Variants in C14orf180 observed in about 807,000 individuals in gnomAD.
C14orf180 encodes chromosome 14 open reading frame 180, also known as nutritionally-regulated adipose and cardiac enriched protein homolog.
A neutral mutation model predicts 13.9 loss-of-function variants in C14orf180; 13 were observed. The ratio of observed to expected loss-of-function variants is 0.94; its 90% CI spans 0.61 to 1.49. The LOEUF is 1.49. Ranked by LOEUF, C14orf180 falls within the 40% of genes most tolerant of loss-of-function variation. The pLI is 0.00. For synonymous variants in C14orf180, 113 were observed against 106.3 expected, an observed-to-expected ratio of 1.06 and a Z score of -0.39; for missense variants, 238 against 232.0, an observed-to-expected ratio of 1.03 and a Z score of -0.17.
Position 104,587,705 on chromosome 14 carries a change from CTCCCGCCGGGGACTCACCAGTCTGCT to C in C14orf180, c.112-36_112-11del. On this transcript the variant is annotated intron_variant, in intron 2 of 4. Transcript: ENST00000557649. ...TGGCTCAGACCTGGGTACCAGCGGC[CTCCCGCCGGGGACTCACCAGTCTGCT>C]TCCCGCCCCCACACCAGGAGGACAA... 6.2e-7 allele frequency: 1 copy of C among 1,605,042 alleles called. No individual in the cohort carries two copies. Among genetic ancestry groups the C allele is most frequent in the Non-Finnish European group, 8.5e-7 (1 of 1,176,038 alleles).
rs555264092 is a variant in C14orf180, at chr14:104,587,871, C to T, written c.234C>T (p.Thr78=). The T allele has an allele frequency of 3.2e-4, 521 of 1,606,958 alleles. No homozygotes were observed. Among genetic ancestry groups the T allele is most frequent in the Non-Finnish European group, 4.2e-4 (490 of 1,177,074 alleles). Residue 78 remains threonine, a synonymous_variant, in exon 3 of 5, where the codon ACC becomes ACT. Transcript: ENST00000557649. ...RVWFREPPAV[T]VHYIADKNAT... is the part of the protein sequence containing the mutation. Reference sequence around the variant, plus strand: ...GGTTCCGAGAACCCCCAGCGGTGACCGTCCACTGTAAGAGGGCACCCGCAG... The same window carrying T: ...GGTTCCGAGAACCCCCAGCGGTGACTGTCCACTGTAAGAGGGCACCCGCAG...
intron 1 of C14orf180, among the ~76,000 whole-genome samples, chr14:104,581,942 C>A (rs556492775): frequency 6.6e-6 from 1 of 151,414 alleles, no homozygotes; most frequent in Non-Finnish European, 1.5e-5. Flanking sequence ...TGGGGCCGCA[C>A]GCTCAGAGCC....
intron 2 of C14orf180, 34 bp from the exon 3 acceptor site, chr14:104,587,715 G>C: frequency 6.2e-7 from 1 of 1,608,660 alleles, no homozygotes; most frequent in Non-Finnish European, 8.5e-7. Flanking sequence ...CTCCCGCCGG[G>C]GACTCACCAG....
At chr14:104,582,746 G>C (rs548548451) in intron 1 of C14orf180, among the ~76,000 whole-genome samples, 1 of 152,348 alleles carries the variant, frequency 6.6e-6, no homozygotes, top group African/African-American at 2.4e-5. Context: ...CAGAGTGGGG[G>C]TAGAGTCCCC....
intron 1 of C14orf180, chr14:104,581,478 G>A (rs1254786197): frequency 6.6e-6 from 1 of 152,232 alleles, no homozygotes; most frequent in African/African-American, 2.4e-5. Flanking sequence ...CCACTGCTCA[G>A]TGTCGCCGTA....
At chr14:104,582,230 A>C (rs1886462196) in intron 1 of C14orf180, among the ~76,000 whole-genome samples, 1 of 152,150 alleles carries the variant, frequency 6.6e-6, no homozygotes, top group Non-Finnish European at 1.5e-5. Flanking sequence ...AGGACGGGGC[A>C]GGAGTGGGAG....
Position 104,590,038 on chromosome 14 carries a change from G to C in C14orf180, c.*1255G>C, listed in dbSNP as rs1313379121. On this transcript the variant is annotated 3_prime_UTR_variant, in exon 5 of 5. Coordinates refer to ENST00000557649, the MANE Select transcript of C14orf180 (RefSeq NM_001008404.3). ...GAGGGATGCCCGGCCGGCTCCCTTT[G>C]CCCTGCAGTCAGGGTGTGTCCCTGC... 6.6e-6 allele frequency: 1 copy of C among 152,196 alleles called. No individual in the cohort carries two copies. 9.4% of individuals were successfully genotyped at this position (152,196 alleles called of 1,614,324 possible).
chr14:104,588,052 C>T (rs1043302535), intron 3 of C14orf180, among the ~76,000 whole-genome samples, 174 bp downstream of exon 3: 2 of 152,210 alleles, frequency 1.3e-5, no homozygotes, highest in Non-Finnish European at 2.9e-5. Context: ...GTCATCTGGA[C>T]ACACAGTCCC....
chr14:104,586,184 G>A lies in C14orf180; in HGVS notation c.-16-231G>A, dbSNP rs572232045. Among the ~76,000 whole-genome samples the A allele has an allele frequency of 1.0e-3, 157 of 152,266 alleles. 1 individual carries two copies. The highest frequency in any genetic ancestry group is 1.7e-3 in the Non-Finnish European group (116 of 68,028). On this transcript the variant is annotated intron_variant, in intron 1 of 4. Coordinates refer to ENST00000557649, the MANE Select transcript of C14orf180 (RefSeq NM_001008404.3). The stretch of plus-strand genomic sequence containing the variant: ...ATTAAAGATGATAATTATGAAGACC[G>A]TGGCAGCAAAGGAAATTGCTTGCGA...
rs1886801522 is a variant in C14orf180 at position 104,590,275 on chromosome 14, A to T, written c.*1492A>T. 1 of 136,036 alleles carries T rather than the reference A, an allele frequency of 7.4e-6. No homozygotes were observed. The highest frequency in any genetic ancestry group is 2.7e-5 in the African/African-American group (1 of 37,000). 8.4% of individuals were successfully genotyped at this position (136,036 alleles called of 1,614,324 possible). On this transcript the variant is annotated 3_prime_UTR_variant, in exon 5 of 5. Transcript: ENST00000557649. ...CCCCACCCCAGGAAGGAGGATGGGC[A>T]GGTTCCTGCCCCATATTCTGGATGC...
Position 104,589,974 on chromosome 14 carries a change from T to A in C14orf180, c.*1191T>A, listed in dbSNP as rs1170753671. 1 of 152,208 alleles carries A rather than the reference T, an allele frequency of 6.6e-6. No individual in the cohort carries two copies. Among genetic ancestry groups the A allele is most frequent in the Non-Finnish European group, 1.5e-5 (1 of 68,050 alleles). The allele number at this position is 152,208 out of a possible 1,614,324, so 9.4% of individuals were successfully genotyped here. A position where few individuals can be genotyped will look rare whatever the true frequency, so the allele number is the denominator to read the frequency against. On this transcript the variant is annotated 3_prime_UTR_variant, in exon 5 of 5. Transcript: ENST00000557649. This position sits in a 1 kb window ranked among gnomAD's most constrained non-coding sequence, Gnocchi z 4.9. ...TCTCCTGCAGGCCTGGGAGTGGATG[T>A]GTCCACTCGGGCAGGGGCTGACCAA...
chr14:104,589,055 T>G lies in C14orf180; in HGVS notation c.*272T>G. The G allele has an allele frequency of 1.5e-6, 1 of 649,472 alleles. No individual in the cohort carries two copies. Among genetic ancestry groups the G allele is most frequent in the South Asian group, 2.4e-5 (1 of 41,154 alleles). 40.2% of individuals were successfully genotyped at this position (649,472 alleles called of 1,614,324 possible). A position where few individuals can be genotyped will look rare whatever the true frequency, so the allele number is the denominator to read the frequency against. ...TTTATTAGAAAGAGGATTCGACTGC[T>G]AACAGTTGAGGCTCCCCAGGCTCAC... On this transcript the variant is annotated 3_prime_UTR_variant, in exon 5 of 5. Transcript: ENST00000557649. This position sits in a 1 kb window ranked among gnomAD's most constrained non-coding sequence, Gnocchi z 4.9.
At chr14:104,583,192 G>A (rs1190577248) in intron 1 of C14orf180, among the ~76,000 whole-genome samples, 6 of 152,234 alleles carry the variant, frequency 3.9e-5, no homozygotes, top group East Asian at 1.9e-4. Context: ...CGTGGCCCAC[G>A]TGAAGGTGCA....
chr14:104,588,456 G>C, intron 4 of C14orf180, 122 bp from the exon 5 acceptor site: 1 of 1,463,904 alleles, frequency 6.8e-7, no homozygotes, highest in Non-Finnish European at 9.4e-7. Context: ...GACCCCAAGA[G>C]GCTAGGGAGG....
chr14:104,585,024 G>A (rs1886571299), intron 1 of C14orf180, among the ~76,000 whole-genome samples: 1 of 152,218 alleles, frequency 6.6e-6, no homozygotes, highest in African/African-American at 2.4e-5. Flanking sequence ...GGGGACCCTG[G>A]AGGAGTTATC....
In C14orf180 at chr14:104,586,453, T is replaced by C. The variant is rs1430473052; in HGVS notation, c.23T>C (p.Val8Ala). 6.5e-7 allele frequency: 1 copy of C among 1,543,472 alleles called. No individual in the cohort carries two copies. Among genetic ancestry groups the C allele is most frequent in the Admixed American group, 2.0e-5 (1 of 49,566 alleles). Residue 8 changes from valine to alanine, a missense_variant, in exon 2 of 5, where the codon GTG (valine) becomes GCG (alanine). Val to Ala is a moderately conservative substitution (Grantham distance 64). Transcript: ENST00000557649. Reference sequence around the variant, plus strand: ...TAAATGAGGACTGCAGCAGGAGCCGTGAGCCCTGACTCCCGGCCAGAGACA... The same window carrying C: ...TAAATGAGGACTGCAGCAGGAGCCGCGAGCCCTGACTCCCGGCCAGAGACA... MRTAAGAVSPDSRPETRR... is the reference protein window; with the variant it reads MRTAAGAASPDSRPETRR...
rs1185728624 is a variant in C14orf180, at chr14:104,586,459, C to T, written c.29C>T (p.Pro10Leu). 2 of 1,547,362 alleles carry T rather than the reference C, an allele frequency of 1.3e-6. No individual in the cohort carries two copies. Among genetic ancestry groups the T allele is most frequent in the Non-Finnish European group, 1.7e-6 (2 of 1,145,340 alleles). ...AGGACTGCAGCAGGAGCCGTGAGCC[C>T]TGACTCCCGGCCAGAGACACGACGT... MRTAAGAVS[P>L]DSRPETRRQT... Residue 10 changes from proline (P) to leucine (L), a missense_variant, in exon 2 of 5, where the codon CCT becomes CTT. Pro to Leu is a moderately conservative substitution (Grantham distance 98). Coordinates refer to ENST00000557649, the MANE Select transcript of C14orf180 (RefSeq NM_001008404.3).
Position 104,590,029 on chromosome 14 carries a change from G to C in C14orf180, c.*1246G>C, listed in dbSNP as rs1242386562. On this transcript the variant is annotated 3_prime_UTR_variant, in exon 5 of 5. Coordinates refer to ENST00000557649, the MANE Select transcript of C14orf180 (RefSeq NM_001008404.3). The stretch of plus-strand genomic sequence containing the variant: ...CTGGGTCTTGAGGGATGCCCGGCCG[G>C]CTCCCTTTGCCCTGCAGTCAGGGTG... The C allele has an allele frequency of 6.6e-6, 1 of 152,204 alleles. No homozygotes were observed. Among genetic ancestry groups the C allele is most frequent in the Non-Finnish European group, 1.5e-5 (1 of 68,040 alleles). 9.4% of individuals were successfully genotyped at this position (152,204 alleles called of 1,614,324 possible).
intron 1 of C14orf180, among the ~76,000 whole-genome samples, chr14:104,585,838 CAGAG>C (rs911867184): frequency 2.4e-4 from 37 of 152,010 alleles, no homozygotes; most frequent in African/African-American, 7.5e-4. Flanking sequence ...GAGAGAGACA[CAGAG>C]AGAGAGTGTG....
Sources: allele counts gnomAD v4.1 joint callset (sites outside exome capture counted in the v4.1 genomes callset), GRCh38; gene constraint gnomAD v4.1.1; non-coding constraint Gnocchi (gnomAD v3.1); transcripts MANE v1.5; gene names NCBI Gene and HGNC (gene_info 2026-07-23, HGNC 2026-07-21).